Variants in NSMCE2 observed in about 807,000 individuals in gnomAD.
NSMCE2 encodes NSE2 SUMO ligase component of SMC5/6 complex.
NSMCE2 carries 24 observed loss-of-function variants against 23.8 expected under a neutral mutation model. The observed-to-expected ratio is 1.01, with a 90% CI of 0.73 to 1.42. The LOEUF is 1.42. Among genes scored for constraint, NSMCE2 ranks in the 40% most tolerant of loss-of-function variants. NSMCE2 has a pLI of 0.00. For missense variants in NSMCE2, 284 were observed against 296.5 expected (o/e 0.96, Z 0.31); for synonymous variants, 92 against 94.1 (o/e 0.98, Z 0.13).
At chr8:125,345,408 T>C (rs1015076873) in intron 5 of NSMCE2, among the ~76,000 whole-genome samples, 2 of 152,228 alleles carry the variant, frequency 1.3e-5, no homozygotes, top group Non-Finnish European at 2.9e-5. Context: ...ACTATTTTCA[T>C]CTTTTTATTG....
intron 5 of NSMCE2, among the ~76,000 whole-genome samples, chr8:125,337,787 C>T (rs971334036): frequency 6.7e-6 from 1 of 149,822 alleles, no homozygotes; most frequent in African/African-American, 2.5e-5. Flanking sequence ...CCCAACTACT[C>T]AGGAGGCTGA....
intron 5 of NSMCE2, among the ~76,000 whole-genome samples, chr8:125,340,359 G>A (rs1456063605): frequency 1.3e-5 from 2 of 152,168 alleles, no homozygotes; most frequent in Non-Finnish European, 2.9e-5. Context: ...ACCGTTTAGT[G>A]ACAATGGTTA....
chr8:125,200,966 T>A (rs907684558), intron 5 of NSMCE2, among the ~76,000 whole-genome samples: 1 of 152,242 alleles, frequency 6.6e-6, no homozygotes, highest in Non-Finnish European at 1.5e-5. Context: ...GAATCGGGTA[T>A]TGAAGCTTGT....
intron 3 of NSMCE2, among the ~76,000 whole-genome samples, chr8:125,148,931 C>T (rs1255166015): frequency 6.6e-6 from 1 of 152,128 alleles, no homozygotes; most frequent in African/African-American, 2.4e-5. Flanking sequence ...TTAAAATTCA[C>T]TTCTTTATCA....
chr8:125,311,642 G>T (rs1828976426), intron 5 of NSMCE2, among the ~76,000 whole-genome samples: 1 of 152,198 alleles, frequency 6.6e-6, no homozygotes, highest in Admixed American at 6.5e-5. Context: ...TTAAGGAATT[G>T]TCAGCTGAAA....
intron 4 of NSMCE2, among the ~76,000 whole-genome samples, chr8:125,178,678 G>A (rs146746800): frequency 0.021 from 3,271 of 152,194 alleles, 128 homozygotes; most frequent in African/African-American, 0.075. Flanking sequence ...AGACCATCCT[G>A]GCTAACACGG....
At chr8:125,153,315 C>T (rs1213866294) in intron 4 of NSMCE2, among the ~76,000 whole-genome samples, 2 of 152,108 alleles carry the variant, frequency 1.3e-5, no homozygotes, top group Non-Finnish European at 2.9e-5. Context: ...AGGAAGGTCT[C>T]TGTTCTTTTA....
At chr8:125,128,898 T>C (rs1396234269) in intron 3 of NSMCE2, among the ~76,000 whole-genome samples, 1 of 152,216 alleles carries the variant, frequency 6.6e-6, no homozygotes, top group Admixed American at 6.5e-5. Context: ...GTCAGCTGAT[T>C]AACAATCTTA....
Position 125,187,737 on chromosome 8 carries a change from A to C in NSMCE2, c.418+5481A>C, listed in dbSNP as rs1225544898. On this transcript the variant is annotated intron_variant, in intron 5 of 7. Transcript: ENST00000287437. Reference sequence around the variant, plus strand: ...TTGAAAGTTTCTAAGATTGAGATTTAGAAACTTTCAAAATATAAGGGCTTT... The same window carrying C: ...TTGAAAGTTTCTAAGATTGAGATTTCGAAACTTTCAAAATATAAGGGCTTT... 3.3e-5 allele frequency among the ~76,000 whole-genome samples: 5 copies of C among 152,094 alleles called. No homozygotes were observed. The East Asian group carries it at 9.6e-4, about 29-fold the overall frequency.
At chr8:125,340,170 A>C (rs1830197035) in intron 5 of NSMCE2, among the ~76,000 whole-genome samples, 1 of 150,838 alleles carries the variant, frequency 6.6e-6, no homozygotes, top group South Asian at 2.1e-4. Context: ...GCCCGCCATC[A>C]CGCCCGGCTA....
chr8:125,315,036 CAT>C (rs1196125069), intron 5 of NSMCE2, among the ~76,000 whole-genome samples: 2 of 152,200 alleles, frequency 1.3e-5, no homozygotes, highest in Non-Finnish European at 2.9e-5. Flanking sequence ...CAAAGAATCA[CAT>C]AAGGCGAAAC....
intron 5 of NSMCE2, among the ~76,000 whole-genome samples, chr8:125,273,487 G>A (rs1827315982): frequency 6.6e-6 from 1 of 152,118 alleles, no homozygotes; most frequent in African/African-American, 2.4e-5. Context: ...TGCCTTCCTG[G>A]TTAGTTCATT....
intron 5 of NSMCE2, chr8:125,270,687 C>CTACA (rs1183485952): frequency 6.6e-6 from 1 of 152,212 alleles, no homozygotes; most frequent in Admixed American, 6.6e-5. Flanking sequence ...CAATTCTGGG[C>CTACA]TACAGTACAG....
At chr8:125,094,367 T>C (rs1817830362) in intron 1 of NSMCE2, 1 of 152,172 alleles carries the variant, frequency 6.6e-6, no homozygotes, top group African/African-American at 2.4e-5. Flanking sequence ...GCTGTATTTA[T>C]TGGGAGAGAT....
chr8:125,194,472 C>G (rs913177289), intron 5 of NSMCE2, among the ~76,000 whole-genome samples: 2 of 152,052 alleles, frequency 1.3e-5, no homozygotes, highest in African/African-American at 4.8e-5. Context: ...CATGGATATA[C>G]CATAGTTTGT....
intron 5 of NSMCE2, among the ~76,000 whole-genome samples, chr8:125,184,163 A>G (rs1331911799): frequency 6.6e-6 from 1 of 152,212 alleles, no homozygotes; most frequent in Non-Finnish European, 1.5e-5. Context: ...AAGTAATTTT[A>G]TAATACAGGT....
At chr8:125,245,164 G>A (rs1047240019) in intron 5 of NSMCE2, among the ~76,000 whole-genome samples, 3 of 152,008 alleles carry the variant, frequency 2.0e-5, no homozygotes, top group Non-Finnish European at 4.4e-5. Flanking sequence ...ACACCTGTAA[G>A]CCCAGCTACT....
At chr8:125,113,114 C>G (rs1205614277) in intron 3 of NSMCE2, among the ~76,000 whole-genome samples, 2 of 150,562 alleles carry the variant, frequency 1.3e-5, no homozygotes, top group African/African-American at 4.9e-5. Context: ...TTGAAAAACT[C>G]AGTTCTTTTT....
intron 5 of NSMCE2, among the ~76,000 whole-genome samples, chr8:125,282,240 A>G (rs943172797): frequency 3.9e-5 from 6 of 152,006 alleles, no homozygotes; most frequent in African/African-American, 1.2e-4. Context: ...CAACCTCCCA[A>G]GTAGCTGGGA....
Sources: allele counts gnomAD v4.1 joint callset (sites outside exome capture counted in the v4.1 genomes callset), GRCh38; gene constraint gnomAD v4.1.1; transcripts MANE v1.5; gene names NCBI Gene and HGNC (gene_info 2026-07-23, HGNC 2026-07-21).